The following ABHD2 variants were observed in gnomAD, a reference collection of about 807,000 sequenced individuals.
ABHD2 encodes monoacylglycerol lipase ABHD2.
Under a neutral mutation model 48.1 loss-of-function variants are expected in ABHD2, and 20 were observed. That is an observed-to-expected ratio of 0.42 (90% confidence interval 0.29 to 0.60). The LOEUF (loss-of-function observed/expected upper bound fraction) is 0.60. ABHD2 is among the 20% of genes least tolerant of loss of function. ABHD2 has a pLI of 0.24. For synonymous variants in ABHD2, 209 were observed against 214.2 expected, an observed-to-expected ratio of 0.98 and a Z score of 0.21; for missense variants, 405 against 550.9, an observed-to-expected ratio of 0.74 and a Z score of 2.65.
intron 3 of ABHD2, among the ~76,000 whole-genome samples, chr15:89,122,258 G>A (rs1156670444): frequency 6.6e-6 from 1 of 152,142 alleles, no homozygotes; most frequent in Admixed American, 6.5e-5. Context: ...CGTTTAAAAT[G>A]TTCCATCTTG....
In ABHD2 at chr15:89,189,167, T is replaced by C. The variant is rs1354259810; in HGVS notation, c.926+864T>C. On this transcript the variant is annotated intron_variant, in intron 8 of 10. Coordinates refer to ENST00000352732, the MANE Select transcript of ABHD2 (RefSeq NM_152924.5). This position sits in a 1 kb window ranked among gnomAD's most constrained non-coding sequence, Gnocchi z 4.9. ...TGACCTCTGATCTCATCATTCTCTT[T>C]AAATACGTGATCCTTTTCATTTAAC... is the stretch of plus-strand genomic sequence containing the variant. 6.6e-6 allele frequency among the ~76,000 whole-genome samples: 1 copy of C among 152,188 alleles called. No homozygotes were observed. Among genetic ancestry groups the C allele is most frequent in the African/African-American group, 2.4e-5 (1 of 41,450 alleles).
chr15:89,115,725 G>A (rs907724501), intron 2 of ABHD2, among the ~76,000 whole-genome samples: 10 of 152,132 alleles, frequency 6.6e-5, no homozygotes, highest in African/African-American at 2.2e-4. Flanking sequence ...GGAGCCTGTG[G>A]GGAGCAGATG....
chr15:89,118,463 C>T (rs1378735030), intron 3 of ABHD2, among the ~76,000 whole-genome samples: 5 of 152,224 alleles, frequency 3.3e-5, no homozygotes, highest in Non-Finnish European at 7.4e-5. Context: ...TGAGCCACGG[C>T]GCTCGGCCTG....
rs2051401545 is a variant in ABHD2 at position 89,196,279 on chromosome 15, T to C, written c.*856T>C. 6.6e-6 allele frequency: 1 copy of C among 152,234 alleles called. No homozygotes were observed. Among genetic ancestry groups the C allele is most frequent in the East Asian group, 1.9e-4 (1 of 5,202 alleles). The allele number at this position is 152,234 out of a possible 1,614,324, so 9.4% of individuals were successfully genotyped here. A position where few individuals can be genotyped will look rare whatever the true frequency, so the allele number is the denominator to read the frequency against. The stretch of plus-strand genomic sequence containing the variant: ...CGGTCTCCAGAGCAGCAAGGCCGGC[T>C]ATGGAGCTGCCGTCGTGTGACCACA... On this transcript the variant is annotated 3_prime_UTR_variant, in exon 11 of 11. Transcript: ENST00000352732.
intron 1 of ABHD2, among the ~76,000 whole-genome samples, chr15:89,103,191 A>G (rs903944331): frequency 3.3e-5 from 5 of 152,216 alleles, no homozygotes; most frequent in Admixed American, 2.6e-4. Flanking sequence ...ACCAATTCTC[A>G]TCCTCCTCAT....
intron 3 of ABHD2, among the ~76,000 whole-genome samples, chr15:89,118,152 T>C (rs1048870263): frequency 3.3e-5 from 5 of 152,132 alleles, no homozygotes; most frequent in African/African-American, 1.2e-4. Context: ...TCATCCAGTA[T>C]TTGTCATAGT....
the ABHD2 span, among the ~76,000 whole-genome samples, chr15:89,049,946 G>A: frequency 2.0e-5 from 3 of 152,170 alleles, no homozygotes; most frequent in East Asian, 1.9e-4. Flanking sequence ...TCCTCCAAAT[G>A]TGCAAGTAGT....
chr15:89,053,063 G>C, the ABHD2 span, among the ~76,000 whole-genome samples: 1 of 151,738 alleles, frequency 6.6e-6, no homozygotes, highest in East Asian at 1.9e-4. Flanking sequence ...TGCCTCCCGG[G>C]TTCAAGCGAT....
chr15:89,201,023 A>G lies in ABHD2; in HGVS notation c.*5600A>G. Reference sequence around the variant, plus strand: ...CTTGAACCCAGGAGACGGAGGTTGCAGTGAGCCGAGATCACGCCTCTGCAC... The same window carrying G: ...CTTGAACCCAGGAGACGGAGGTTGCGGTGAGCCGAGATCACGCCTCTGCAC... On this transcript the variant is annotated 3_prime_UTR_variant, in exon 11 of 11. Coordinates refer to ENST00000352732, the MANE Select transcript of ABHD2 (RefSeq NM_152924.5). The G allele has an allele frequency of 3.3e-6, 2 of 600,774 alleles. No homozygotes were observed. Among genetic ancestry groups the G allele is most frequent in the Non-Finnish European group, 5.9e-6 (2 of 339,070 alleles). 37.2% of individuals were successfully genotyped at this position (600,774 alleles called of 1,614,324 possible). A position where few individuals can be genotyped will look rare whatever the true frequency, so the allele number is the denominator to read the frequency against.
chr15:89,173,475 A>AG lies in ABHD2; in HGVS notation c.539-2335dup, dbSNP rs1227565600. Among the ~76,000 whole-genome samples the AG allele has an allele frequency of 6.6e-6, 1 of 152,236 alleles. No individual in the cohort carries two copies. The highest frequency in any genetic ancestry group is 1.9e-4 in the East Asian group (1 of 5,194). On this transcript the variant is annotated intron_variant, in intron 5 of 10. Transcript: ENST00000352732. This position sits in a 1 kb window ranked among gnomAD's most constrained non-coding sequence, Gnocchi z 6.5. ...GTAACCCCAGCTACTCAGGGGGCTG[A>AG]GGCAGGAGGATCGCTTGAACCTGAG... is the stretch of plus-strand genomic sequence containing the variant.
chr15:89,158,885 A>G (rs2150901044), intron 5 of ABHD2, among the ~76,000 whole-genome samples: 1 of 151,728 alleles, frequency 6.6e-6, no homozygotes, highest in Admixed American at 6.6e-5. Context: ...GCTGGTCTCG[A>G]ACTCCTGAGC....
chr15:89,139,481 C>T (rs1596106285), intron 3 of ABHD2, among the ~76,000 whole-genome samples: 2 of 152,100 alleles, frequency 1.3e-5, no homozygotes, highest in African/African-American at 4.8e-5. Context: ...GCCACCAGGG[C>T]GGTCACTGTG....
the ABHD2 span, among the ~76,000 whole-genome samples, chr15:89,067,014 A>G: frequency 1.3e-5 from 2 of 152,238 alleles, no homozygotes; most frequent in Non-Finnish European, 2.9e-5. Context: ...TTTCTGCTCC[A>G]GATTCTATAC....
chr15:89,112,003 G>T (rs1436429991), intron 1 of ABHD2, among the ~76,000 whole-genome samples: 2 of 151,936 alleles, frequency 1.3e-5, no homozygotes, highest in Non-Finnish European at 2.9e-5. Context: ...CCTTTTCAGG[G>T]CTAGAAGGGA....
rs1011194066 is a variant in ABHD2, at chr15:89,197,208, G to A, written c.*1785G>A. ...CTGACAATCACCAAATCATCCGAAT[G>A]ACATCAAAAGCAGCCCTTATCTCAG... On this transcript the variant is annotated 3_prime_UTR_variant, in exon 11 of 11. Transcript: ENST00000352732. The surrounding 1 kb of genome is among the most constrained non-coding windows in gnomAD (Gnocchi z 4.4). 6.6e-6 allele frequency: 1 copy of A among 152,652 alleles called. No individual in the cohort carries two copies. The highest frequency in any genetic ancestry group is 1.5e-5 in the Non-Finnish European group (1 of 68,052). 9.5% of individuals were successfully genotyped at this position (152,652 alleles called of 1,614,324 possible).
rs1014076175 is a variant in ABHD2 at position 89,177,917 on chromosome 15, G to A, written c.722+1922G>A. Among the ~76,000 whole-genome samples, 2 of 152,188 alleles carry A rather than the reference G, an allele frequency of 1.3e-5. No individual in the cohort carries two copies. Among genetic ancestry groups the A allele is most frequent in the African/African-American group, 2.4e-5 (1 of 41,428 alleles). ...AATCCCTTCATCTCATTTTGCTGCA[G>A]TAGCGCCATCTGCTGTCAGCAAGAG... On this transcript the variant is annotated intron_variant, in intron 6 of 10. Coordinates refer to ENST00000352732, the MANE Select transcript of ABHD2 (RefSeq NM_152924.5). This position sits in a 1 kb window ranked among gnomAD's most constrained non-coding sequence, Gnocchi z 5.6.
Position 89,195,300 on chromosome 15 carries a change from G to A in ABHD2, c.1155G>A (p.Leu385=), listed in dbSNP as rs1007572526. 1.4e-5 allele frequency: 23 copies of A among 1,614,138 alleles called. No individual in the cohort carries two copies. Among genetic ancestry groups the A allele is most frequent in the Non-Finnish European group, 1.9e-5 (22 of 1,180,052 alleles). Residue 385 remains leucine (L), a synonymous_variant, in exon 11 of 11, where the codon CTG becomes CTA. Coordinates refer to ENST00000352732, the MANE Select transcript of ABHD2 (RefSeq NM_152924.5). This position sits in a 1 kb window ranked among gnomAD's most constrained non-coding sequence, Gnocchi z 5.1. The stretch of plus-strand genomic sequence containing the variant: ...TGGGCTTCTTTGAGGGCTCTGTGCT[G>A]TTCCCCGAGCCCCTGACATGGATGG... ...GHLGFFEGSV[L]FPEPLTWMDK...
In ABHD2 at chr15:89,106,918, C is replaced by T. The variant is rs1029586696; in HGVS notation, c.-106-6807C>T. On this transcript the variant is annotated intron_variant, in intron 1 of 10. Coordinates refer to ENST00000352732, the MANE Select transcript of ABHD2 (RefSeq NM_152924.5). This position sits in a 1 kb window ranked among gnomAD's most constrained non-coding sequence, Gnocchi z 4.2. Reference sequence around the variant, plus strand: ...TTTATCTAAGCTGCCACCAAAGAGGCTGAAAAATCAGAATGACATGGGATG... The same window carrying T: ...TTTATCTAAGCTGCCACCAAAGAGGTTGAAAAATCAGAATGACATGGGATG... Among the ~76,000 whole-genome samples, 1 of 152,138 alleles carries T rather than the reference C, an allele frequency of 6.6e-6. No homozygotes were observed. Among genetic ancestry groups the T allele is most frequent in the African/African-American group, 2.4e-5 (1 of 41,408 alleles).
rs2051467678 is a variant in ABHD2 at position 89,201,768 on chromosome 15, TCGTGCTTCGCCGTGGCCCCGGAGGCAGA to T, written c.*6348_*6375del. 2 of 1,527,108 alleles carry T rather than the reference TCGTGCTTCGCCGTGGCCCCGGAGGCAGA, an allele frequency of 1.3e-6. No homozygotes were observed. Among genetic ancestry groups the T allele is most frequent in the Admixed American group, 3.3e-5 (2 of 59,904 alleles). 94.6% of individuals were successfully genotyped at this position (1,527,108 alleles called of 1,614,324 possible). A position where few individuals can be genotyped will look rare whatever the true frequency, so the allele number is the denominator to read the frequency against. ...GGGCGGGTCGAGGACCAGGATCTGC[TCGTGCTTCGCCGTGGCCCCGGAGGCAGA>T]CGCCATTGGAGAGACAGCGCAGAGC... On this transcript the variant is annotated 3_prime_UTR_variant, in exon 11 of 11. Coordinates refer to ENST00000352732, the MANE Select transcript of ABHD2 (RefSeq NM_152924.5).
Sources: allele counts gnomAD v4.1 joint callset (sites outside exome capture counted in the v4.1 genomes callset), GRCh38; gene constraint gnomAD v4.1.1; non-coding constraint Gnocchi (gnomAD v3.1); transcripts MANE v1.5; gene names NCBI Gene and HGNC (gene_info 2026-07-23, HGNC 2026-07-21).